UNC5C: variants seen among roughly 807,000 people sequenced by gnomAD.
UNC5C encodes the protein netrin receptor UNC5C.
Under a neutral mutation model 99.8 loss-of-function variants are expected in UNC5C, and 47 were observed. The ratio of observed to expected loss-of-function variants is 0.47; its 90% CI spans 0.37 to 0.60. The LOEUF is 0.60. Among genes scored for constraint, UNC5C ranks in the 20% least tolerant of loss-of-function variants. UNC5C has a pLI of 0.00. For synonymous variants in UNC5C, 487 were observed against 452.2 expected (o/e 1.08, Z -0.98); for missense variants, 1,062 against 1,165.9 (o/e 0.91, Z 1.30).
At chr4:95,274,292 G>A (rs1170778921) in intron 4 of UNC5C, among the ~76,000 whole-genome samples, 1 of 152,152 alleles carries the variant, frequency 6.6e-6, no homozygotes, top group East Asian at 1.9e-4. Flanking sequence ...GGCCCTGGCT[G>A]GCTCCCTGGG....
intron 1 of UNC5C, among the ~76,000 whole-genome samples, chr4:95,500,671 C>T (rs1044974559): frequency 6.6e-6 from 1 of 152,112 alleles, no homozygotes; most frequent in Non-Finnish European, 1.5e-5. Flanking sequence ...CTACTAGGAA[C>T]ATGTTGTAAT....
At chr4:95,484,843 A>C (rs1381495585) in intron 1 of UNC5C, among the ~76,000 whole-genome samples, 3 of 151,826 alleles carry the variant, frequency 2.0e-5, no homozygotes. Flanking sequence ...TAAAGTAGTG[A>C]AGGTGAGATT....
At chr4:95,289,147 G>C (rs1167682474) in intron 3 of UNC5C, among the ~76,000 whole-genome samples, 1 of 152,176 alleles carries the variant, frequency 6.6e-6, no homozygotes, top group East Asian at 1.9e-4. Flanking sequence ...AGCACACTTA[G>C]GACAGTGCAG....
chr4:95,231,875 C>T (rs1738923654), intron 7 of UNC5C, among the ~76,000 whole-genome samples: 1 of 152,052 alleles, frequency 6.6e-6, no homozygotes, highest in Non-Finnish European at 1.5e-5. Flanking sequence ...TACATAAATC[C>T]TAGGACATGA....
intron 1 of UNC5C, among the ~76,000 whole-genome samples, chr4:95,533,617 C>T (rs1722707851): frequency 6.6e-6 from 1 of 151,962 alleles, no homozygotes. Flanking sequence ...TAACTTGGCT[C>T]TCTGAATTGC....
chr4:95,424,518 CTTTT>C (rs536039867), intron 1 of UNC5C, among the ~76,000 whole-genome samples: 21 of 67,966 alleles, frequency 3.1e-4, no homozygotes, highest in African/African-American at 1.1e-3. Context: ...TTTTTCTTTT[CTTTT>C]TTTTTTTTTT....
intron 1 of UNC5C, among the ~76,000 whole-genome samples, chr4:95,440,397 G>T (rs1361164000): frequency 6.6e-6 from 1 of 152,084 alleles, no homozygotes; most frequent in African/African-American, 2.4e-5. Context: ...AAACAAAACA[G>T]ACCAATTTTT....
intron 1 of UNC5C, among the ~76,000 whole-genome samples, chr4:95,389,579 G>A (rs1745300249): frequency 6.6e-6 from 1 of 151,766 alleles, no homozygotes; most frequent in South Asian, 2.1e-4. Context: ...TATAATAATT[G>A]ATTTAAAATT....
rs78431515 is a variant in UNC5C at position 95,338,629 on chromosome 4, G to C, written c.125-2998C>G. On this transcript the variant is annotated intron_variant, in intron 1 of 15. Coordinates refer to ENST00000453304, the MANE Select transcript of UNC5C (RefSeq NM_003728.4). ...AATATACAATAAATGCTTAACACTA[G>C]AGATGAAACTCTTTGAAAGCAGGGA... is the stretch of plus-strand genomic sequence containing the variant. 2.7e-3 allele frequency among the ~76,000 whole-genome samples: 406 copies of C among 152,090 alleles called. 1 individual carries two copies. The highest frequency in any genetic ancestry group is 9.3e-3 in the African/African-American group (388 of 41,530).
At chr4:95,483,006 TAA>T (rs1560851059) in intron 1 of UNC5C, among the ~76,000 whole-genome samples, 1 of 13,454 alleles carries the variant, frequency 7.4e-5, no homozygotes, top group East Asian at 2.9e-3. Context: ...ACTTAAAGTA[TAA>T]TAATAATAAT....
At chr4:95,221,153 G>T (rs1738455519) in intron 7 of UNC5C, among the ~76,000 whole-genome samples, 1 of 152,090 alleles carries the variant, frequency 6.6e-6, no homozygotes, top group Non-Finnish European at 1.5e-5. Context: ...CAAATGAAAT[G>T]AAACCTTTGT....
chr4:95,267,948 G>GTTTTTT (rs1740507303), intron 4 of UNC5C, among the ~76,000 whole-genome samples: 2 of 83,918 alleles, frequency 2.4e-5, no homozygotes, highest in African/African-American at 1.1e-4. Flanking sequence ...TGAATTTTGT[G>GTTTTTT]ATTTTTTTTT....
chr4:95,236,257 A>T lies in UNC5C; in HGVS notation c.1108+6172T>A, dbSNP rs551843388. On this transcript the variant is annotated intron_variant, in intron 7 of 15. Transcript: ENST00000453304. The stretch of plus-strand genomic sequence containing the variant: ...CACCATGGAATACTATGCAGCCATA[A>T]AAAGGATGAGTTCATGTCCTTTGTA... Among the ~76,000 whole-genome samples the T allele has an allele frequency of 3.8e-4, 58 of 152,310 alleles. No homozygotes were observed. In the South Asian group the frequency reaches 0.011, roughly 29 times the overall value.
At chr4:95,540,106 A>T (rs1232823373) in intron 1 of UNC5C, among the ~76,000 whole-genome samples, 1 of 152,200 alleles carries the variant, frequency 6.6e-6, no homozygotes, top group Non-Finnish European at 1.5e-5. Flanking sequence ...ATACTAGTAT[A>T]GCACTGATTT....
In UNC5C at chr4:95,180,726, G is replaced by A. The variant is rs1040565936; in HGVS notation, c.2451+2171C>T. ...TAAATGACGACTGGTGAGTGCGTCCGGTGGTGGGTGGCTGGAGGGAGGGGC... is the reference window on the plus strand; with the variant it reads ...TAAATGACGACTGGTGAGTGCGTCCAGTGGTGGGTGGCTGGAGGGAGGGGC... On this transcript the variant is annotated intron_variant, in intron 14 of 15. Transcript: ENST00000453304. Among the ~76,000 whole-genome samples the A allele has an allele frequency of 6.6e-5, 10 of 152,128 alleles. No homozygotes were observed. In the South Asian group the frequency reaches 8.3e-4, roughly 13 times the overall value.
intron 1 of UNC5C, among the ~76,000 whole-genome samples, chr4:95,490,011 G>A (rs1302859787): frequency 1.3e-5 from 2 of 150,772 alleles, no homozygotes; most frequent in Non-Finnish European, 3.0e-5. Context: ...ACACAACTGG[G>A]GAAAATACAT....
intron 2 of UNC5C, among the ~76,000 whole-genome samples, chr4:95,331,588 G>A (rs1007811602): frequency 2.0e-5 from 3 of 152,052 alleles, no homozygotes; most frequent in Non-Finnish European, 4.4e-5. Context: ...CAGGAGAACT[G>A]AGAAAGTACT....
At chr4:95,301,160 C>G (rs1313839721) in intron 3 of UNC5C, among the ~76,000 whole-genome samples, 1 of 149,320 alleles carries the variant, frequency 6.7e-6, no homozygotes, top group African/African-American at 2.5e-5. Flanking sequence ...ATATGTGGCT[C>G]AAATGCAGAA....
chr4:95,520,879 G>A (rs1411596156), intron 1 of UNC5C, among the ~76,000 whole-genome samples: 6 of 151,910 alleles, frequency 3.9e-5, no homozygotes, highest in African/African-American at 1.5e-4. Context: ...GATTACAAGC[G>A]TGAGCCACCG....
Sources: allele counts gnomAD v4.1 joint callset (sites outside exome capture counted in the v4.1 genomes callset), GRCh38; gene constraint gnomAD v4.1.1; transcripts MANE v1.5; gene names NCBI Gene and HGNC (gene_info 2026-07-23, HGNC 2026-07-21).